Variants in POLD3 observed in about 807,000 individuals in gnomAD.
The protein encoded by POLD3 is DNA polymerase delta 3, accessory subunit.
POLD3 carries 19 observed loss-of-function variants against 58.2 expected under a neutral mutation model. That is an observed-to-expected ratio of 0.33 (90% confidence interval 0.23 to 0.48). The LOEUF (loss-of-function observed/expected upper bound fraction) is 0.48. Among genes scored for constraint, POLD3 ranks in the 20% least tolerant of loss-of-function variants. POLD3 has a pLI of 0.99. For missense variants in POLD3, 504 were observed against 545.5 expected (o/e 0.92, Z 0.76); for synonymous variants, 172 against 193.5 (o/e 0.89, Z 0.92).
At chr11:74,629,901 A>G (rs2032542970) in intron 9 of POLD3, among the ~76,000 whole-genome samples, 1 of 152,206 alleles carries the variant, frequency 6.6e-6, no homozygotes, top group South Asian at 2.1e-4. Context: ...CAAATTGTAT[A>G]AAGTATATAG....
At chr11:74,635,005 C>T (rs1381976798) in intron 10 of POLD3, among the ~76,000 whole-genome samples, 1 of 152,136 alleles carries the variant, frequency 6.6e-6, no homozygotes, top group South Asian at 2.1e-4. Flanking sequence ...AAAAAGAGAT[C>T]CCCCCTGCAT....
chr11:74,667,931 T>C (rs1260435393), intron 4 of POLD3, among the ~76,000 whole-genome samples: 2 of 152,200 alleles, frequency 1.3e-5, no homozygotes, highest in African/African-American at 4.8e-5. Flanking sequence ...CTTCAAAGAA[T>C]ATATACAAAT....
In POLD3 at chr11:74,665,355, G is replaced by A. The variant is rs552747420; in HGVS notation, c.370-3422G>A. Among the ~76,000 whole-genome samples, 27 of 142,202 alleles carry A rather than the reference G, an allele frequency of 1.9e-4. No individual in the cohort carries two copies. In the South Asian group the frequency reaches 5.8e-3, roughly 31 times the overall value. 93.3% of individuals were successfully genotyped at this position (142,202 alleles called of 152,430 possible). ...AAAAAAAATGAAATTAATAGAGCCA[G>A]AAGGAGCATTTGACAAAATCTAGCA... On this transcript the variant is annotated intron_variant, in intron 4 of 4. Coordinates refer to the POLD3 transcript ENST00000524752.
chr11:74,630,789 C>G (rs61903866), intron 9 of POLD3, among the ~76,000 whole-genome samples: 3,047 of 152,238 alleles, frequency 0.02, 49 homozygotes, highest in Middle Eastern at 0.054. Context: ...ACTAGATACT[C>G]TAGTATTAGT....
chr11:74,654,792 G>GC (rs2033112683), intron 4 of POLD3, among the ~76,000 whole-genome samples: 1 of 152,106 alleles, frequency 6.6e-6, no homozygotes, highest in Non-Finnish European at 1.5e-5. Context: ...AAAACTGCAT[G>GC]CCCGGGGTAT....
intron 4 of POLD3, among the ~76,000 whole-genome samples, chr11:74,658,665 AG>A (rs1422458629): frequency 1.3e-5 from 2 of 152,230 alleles, no homozygotes; most frequent in African/African-American, 4.8e-5. Flanking sequence ...AAGGGGTTAC[AG>A]GGTTCTTGCA....
At chr11:74,594,546 T>G (rs2031156838) in intron 2 of POLD3, among the ~76,000 whole-genome samples, 1 of 152,224 alleles carries the variant, frequency 6.6e-6, no homozygotes. Context: ...GACATTTGGG[T>G]TATTTCCATA....
rs2032932796 is a variant in POLD3, at chr11:74,642,266, G to A, written c.*1500G>A. 6.1e-6 allele frequency: 6 copies of A among 985,106 alleles called. No homozygotes were observed. Among genetic ancestry groups the A allele is most frequent in the Non-Finnish European group, 7.2e-6 (6 of 829,764 alleles). 61.0% of individuals were successfully genotyped at this position (985,106 alleles called of 1,614,324 possible). A position where few individuals can be genotyped will look rare whatever the true frequency, so the allele number is the denominator to read the frequency against. ...TGGCATTATGTCTAGGACTAAAGCA[G>A]TGGCTTTGTATAGCAAGCTGAGTAA... On this transcript the variant is annotated 3_prime_UTR_variant, in exon 12 of 12. Transcript: ENST00000263681.
Position 74,642,117 on chromosome 11 carries a change from G to A in POLD3, c.*1351G>A, listed in dbSNP as rs986549134. The A allele has an allele frequency of 3.0e-5, 30 of 985,298 alleles. No homozygotes were observed. Among genetic ancestry groups the A allele is most frequent in the East Asian group, 1.1e-4 (1 of 8,832 alleles). 61.0% of individuals were successfully genotyped at this position (985,298 alleles called of 1,614,324 possible). A position where few individuals can be genotyped will look rare whatever the true frequency, so the allele number is the denominator to read the frequency against. The stretch of plus-strand genomic sequence containing the variant: ...CTTTTGCCTCAAGATGGTGTATGTC[G>A]TAAGTGATGCAATCAGCTGTCTGCT... On this transcript the variant is annotated 3_prime_UTR_variant, in exon 12 of 12. Transcript: ENST00000263681.
intron 3 of POLD3, among the ~76,000 whole-genome samples, chr11:74,607,734 A>G (rs1272434325): frequency 6.6e-6 from 1 of 151,686 alleles, no homozygotes; most frequent in Non-Finnish European, 1.5e-5. Flanking sequence ...GGTGCTTGCC[A>G]CCACGCCCAG....
chr11:74,660,059 G>A, intron 4 of POLD3, among the ~76,000 whole-genome samples: 1 of 152,308 alleles, frequency 6.6e-6, no homozygotes, highest in African/African-American at 2.4e-5. Context: ...GTTCCACATG[G>A]TTGGGGAGGC....
intron 8 of POLD3, among the ~76,000 whole-genome samples, chr11:74,627,481 A>G (rs1312108591): frequency 1.3e-5 from 2 of 152,158 alleles, no homozygotes; most frequent in African/African-American, 4.8e-5. Context: ...ACATTTTAAA[A>G]TAAATTTAGT....
Position 74,641,153 on chromosome 11 carries a change from A to G in POLD3, c.*387A>G. ...GAATTATTCCTTCTTGTTCCTCTGT[A>G]TTCTAAGAATTCATGTGGGTGTTTC... On this transcript the variant is annotated 3_prime_UTR_variant, in exon 12 of 12. Transcript: ENST00000263681. 2 of 990,292 alleles carry G rather than the reference A, an allele frequency of 2.0e-6. No individual in the cohort carries two copies. The highest frequency in any genetic ancestry group is 2.4e-6 in the Non-Finnish European group (2 of 833,320). 61.3% of individuals were successfully genotyped at this position (990,292 alleles called of 1,614,324 possible).
chr11:74,669,270 T>A (rs1362558748), downstream of POLD3, among the ~76,000 whole-genome samples: 1 of 152,080 alleles, frequency 6.6e-6, no homozygotes, highest in Non-Finnish European at 1.5e-5. Flanking sequence ...AAAAGACTCA[T>A]CAAATGTAAG....
At chr11:74,660,421 T>C (rs1447487598) in intron 4 of POLD3, among the ~76,000 whole-genome samples, 2 of 152,236 alleles carry the variant, frequency 1.3e-5, no homozygotes, top group Non-Finnish European at 2.9e-5. Flanking sequence ...CTACCTCCTC[T>C]TTAAGGTCAA....
downstream of POLD3, among the ~76,000 whole-genome samples, chr11:74,644,369 G>T (rs530791165): frequency 6.6e-6 from 1 of 152,304 alleles, no homozygotes; most frequent in South Asian, 2.1e-4. Context: ...ACATTTTGGG[G>T]CTGCCTCGTT....
intron 9 of POLD3, among the ~76,000 whole-genome samples, chr11:74,631,180 A>G (rs1010184095): frequency 6.6e-6 from 1 of 152,240 alleles, no homozygotes; most frequent in Non-Finnish European, 1.5e-5. Flanking sequence ...TGTTACACTG[A>G]ATATGTCATA....
chr11:74,625,691 G>A, intron 8 of POLD3, 118 bp downstream of exon 8: 1 of 755,392 alleles, frequency 1.3e-6, no homozygotes, highest in Non-Finnish European at 2.1e-6. Context: ...TAATGCCTAA[G>A]GGATACAACT....
Position 74,618,735 on chromosome 11 carries a change from C to T in POLD3, c.591C>T (p.Ala197=), listed in dbSNP as rs1209542281. ...CCAAAGGAATTATGGGAATGTTTGCCTCCAAAGCTGCTGCTAAAACCCAAG... is the reference window on the plus strand; with the variant it reads ...CCAAAGGAATTATGGGAATGTTTGCTTCCAAAGCTGCTGCTAAAACCCAAG... ...QQPKGIMGMF[A]SKAAAKTQET... is the part of the protein sequence containing the mutation. Residue 197 remains alanine (A), a synonymous_variant, in exon 6 of 12, where the codon GCC becomes GCT. Transcript: ENST00000263681. The T allele has an allele frequency of 6.2e-7, 1 of 1,614,104 alleles. No homozygotes were observed. Among genetic ancestry groups the T allele is most frequent in the Non-Finnish European group, 8.5e-7 (1 of 1,179,982 alleles).
Sources: gnomAD v4.1 joint callset for allele counts (sites outside exome capture counted in the v4.1 genomes callset) on GRCh38, gnomAD v4.1.1 for gene constraint, MANE v1.5 for transcripts, NCBI Gene and HGNC (gene_info 2026-07-23, HGNC 2026-07-21) for gene names.